The following RALGAPA2 variants were observed in gnomAD, a reference collection of about 807,000 sequenced individuals.
RALGAPA2 encodes Ral GTPase activating protein catalytic subunit alpha 2, also known as ral GTPase-activating protein subunit alpha-2.
A neutral mutation model predicts 230.4 loss-of-function variants in RALGAPA2; 139 were observed. The ratio of observed to expected loss-of-function variants is 0.60; its 90% confidence interval spans 0.53 to 0.69. The LOEUF (loss-of-function observed/expected upper bound fraction) is 0.69. RALGAPA2 is among the 30% of genes least tolerant of loss of function. RALGAPA2 has a pLI of 0.00. For synonymous variants in RALGAPA2, 847 were observed against 837.8 expected, an observed-to-expected ratio of 1.01 and a Z score of -0.19; for missense variants, 2,163 against 2,276.0, an observed-to-expected ratio of 0.95 and a Z score of 1.01.
At chr20:20,677,629 A>ATTTTTTTTTTTTTTT (rs758379115) in intron 2 of RALGAPA2, among the ~76,000 whole-genome samples, 1 of 64,284 alleles carries the variant, frequency 1.6e-5, no homozygotes, top group Non-Finnish European at 2.9e-5. Flanking sequence ...GATTTGACCC[A>ATTTTTTTTTTTTTTT]TTTTTTTTTT....
intron 23 of RALGAPA2, among the ~76,000 whole-genome samples, chr20:20,568,318 T>A (rs2064513803): frequency 6.6e-6 from 1 of 152,222 alleles, no homozygotes; most frequent in South Asian, 2.1e-4. Flanking sequence ...GGGGAAATAC[T>A]ACTTGATAAA....
chr20:20,628,515 G>T (rs1457013209), intron 10 of RALGAPA2, among the ~76,000 whole-genome samples: 2 of 152,024 alleles, frequency 1.3e-5, no homozygotes, highest in Non-Finnish European at 2.9e-5. Context: ...TCTGTTTGCT[G>T]TGTTGAAGGC....
intron 12 of RALGAPA2, among the ~76,000 whole-genome samples, chr20:20,618,504 G>A (rs2066220373): frequency 1.3e-5 from 2 of 151,784 alleles, no homozygotes; most frequent in South Asian, 4.2e-4. Flanking sequence ...CCACGAAAAT[G>A]AATCCTATCA....
At chr20:20,561,788 C>G (rs1051391675) in intron 23 of RALGAPA2, among the ~76,000 whole-genome samples, 1 of 152,220 alleles carries the variant, frequency 6.6e-6, no homozygotes, top group Non-Finnish European at 1.5e-5. Flanking sequence ...ACAATGTCAT[C>G]TGCAGAAGTA....
At chr20:20,595,528 A>T (rs2065425044) in intron 16 of RALGAPA2, among the ~76,000 whole-genome samples, 4 of 152,200 alleles carry the variant, frequency 2.6e-5, no homozygotes, top group African/African-American at 7.2e-5. Context: ...CCATTCCAAT[A>T]TGCTTTTTTA....
chr20:20,546,774 G>A lies in RALGAPA2; in HGVS notation c.3215C>T (p.Pro1072Leu), dbSNP rs758314399. 4.3e-6 allele frequency: 7 copies of A among 1,611,486 alleles called. No individual in the cohort carries two copies. The highest frequency in any genetic ancestry group is 5.9e-6 in the Non-Finnish European group (7 of 1,179,122). Residue 1072 changes from proline to leucine, a missense_variant, in exon 24 of 40, where the codon CCT becomes CTT. Transcript: ENST00000202677. ...CPPRFFSLGF[P>L]GFSMLVGDFI... ...GTCCCCCACCAGCATTGAGAAGCCAGGAAAACCCAGGGAGAAAAAGCGGGG... is the reference window on the plus strand; with the variant it reads ...GTCCCCCACCAGCATTGAGAAGCCAAGAAAACCCAGGGAGAAAAAGCGGGG...
At chr20:20,604,017 G>C (rs533116126) in intron 15 of RALGAPA2, among the ~76,000 whole-genome samples, 4 of 152,286 alleles carry the variant, frequency 2.6e-5, no homozygotes, top group South Asian at 4.1e-4. Context: ...TGTGCTCTGT[G>C]ATTCTCTATT....
chr20:20,610,345 C>T (rs896121827), intron 14 of RALGAPA2, among the ~76,000 whole-genome samples: 1 of 152,300 alleles, frequency 6.6e-6, no homozygotes, highest in Non-Finnish European at 1.5e-5. Flanking sequence ...TCACAGTAGG[C>T]TGCCATGCTC....
chr20:20,655,649 G>C (rs1317249704), intron 3 of RALGAPA2, among the ~76,000 whole-genome samples: 2 of 152,180 alleles, frequency 1.3e-5, no homozygotes, highest in East Asian at 3.9e-4. Flanking sequence ...GTCCTCATGG[G>C]AGCAGTGTGG....
At chr20:20,643,421 T>C (rs1169679660) in intron 5 of RALGAPA2, 85 bp downstream of exon 5, 4 of 1,267,294 alleles carry the variant, frequency 3.2e-6, no homozygotes, top group East Asian at 2.8e-5. Context: ...AAGATCTTTT[T>C]TCCAAAATGC....
intron 37 of RALGAPA2, 108 bp from the exon 38 acceptor site, chr20:20,412,256 T>C (rs982662660): frequency 3.5e-6 from 5 of 1,409,880 alleles, no homozygotes; most frequent in African/African-American, 2.9e-5. Flanking sequence ...TAAAAAAGTA[T>C]CCTGCAGGTT....
intron 35 of RALGAPA2, among the ~76,000 whole-genome samples, chr20:20,501,583 T>C (rs1602562977): frequency 6.6e-6 from 1 of 152,228 alleles, no homozygotes; most frequent in African/African-American, 2.4e-5. Context: ...ACCAAAACTT[T>C]CTCCATATCA....
At chr20:20,622,357 C>T (rs2146358944) in intron 10 of RALGAPA2, among the ~76,000 whole-genome samples, 1 of 151,404 alleles carries the variant, frequency 6.6e-6, no homozygotes, top group Non-Finnish European at 1.5e-5. Context: ...TATATCAATC[C>T]TTAGATTTAA....
In RALGAPA2 at chr20:20,640,620, T is replaced by G. The variant is rs1042164068; in HGVS notation, c.550+81A>C. ...CTTCAGACTCCATCAGGATTTCTAT[T>G]CAAGAAAATGAAAAAGTAAGAATTC... is the stretch of plus-strand genomic sequence containing the variant. On this transcript the variant is annotated intron_variant, in intron 6 of 39. Transcript: ENST00000202677. 25 of 1,361,158 alleles carry G rather than the reference T, an allele frequency of 1.8e-5. No homozygotes were observed. The African/African-American group carries it at 3.6e-4, about 20-fold the overall frequency. 84.3% of individuals were successfully genotyped at this position (1,361,158 alleles called of 1,614,324 possible).
At chr20:20,612,049 C>T (rs1393681928) in intron 13 of RALGAPA2, among the ~76,000 whole-genome samples, 1 of 152,148 alleles carries the variant, frequency 6.6e-6, no homozygotes, top group Admixed American at 6.6e-5. Flanking sequence ...TCCAATGTGC[C>T]AGCATTTTTC....
At chr20:20,433,000 T>C (rs1437074626) in intron 37 of RALGAPA2, among the ~76,000 whole-genome samples, 2 of 152,216 alleles carry the variant, frequency 1.3e-5, no homozygotes, top group African/African-American at 4.8e-5. Context: ...CCTAAGTGAA[T>C]TCTCCCCATT....
chr20:20,580,531 A>G (rs1200660088), intron 20 of RALGAPA2, among the ~76,000 whole-genome samples: 1 of 152,092 alleles, frequency 6.6e-6, no homozygotes, highest in Non-Finnish European at 1.5e-5. Flanking sequence ...AAAACTGCAT[A>G]CCCTGCCTTG....
At chr20:20,576,842 A>G (rs1489381683) in intron 20 of RALGAPA2, among the ~76,000 whole-genome samples, 1 of 151,524 alleles carries the variant, frequency 6.6e-6, no homozygotes, top group Non-Finnish European at 1.5e-5. Context: ...TTCCCTTTTC[A>G]CCTCCAACAT....
At chr20:20,393,695 ATGAG>A (rs2059645373) in intron 39 of RALGAPA2, among the ~76,000 whole-genome samples, 1 of 152,256 alleles carries the variant, frequency 6.6e-6, no homozygotes, top group African/African-American at 2.4e-5. Context: ...ATTCTACACA[ATGAG>A]TTACAACTCG....
Sources: allele counts gnomAD v4.1 joint callset (sites outside exome capture counted in the v4.1 genomes callset), GRCh38; gene constraint gnomAD v4.1.1; transcripts MANE v1.5; gene names NCBI Gene and HGNC (gene_info 2026-07-23, HGNC 2026-07-21).